The following PTRH2 variants were observed in gnomAD, a reference collection of about 807,000 sequenced individuals.
The protein encoded by PTRH2 is peptidyl-tRNA hydrolase 2, mitochondrial.
PTRH2 carries 10 observed loss-of-function variants against 12.3 expected under a neutral mutation model. The observed-to-expected ratio is 0.81, with a 90% CI of 0.50 to 1.38. PTRH2 has a LOEUF of 1.38. Among genes scored for constraint, PTRH2 ranks in the 40% most tolerant of loss-of-function variants. PTRH2 has a pLI of 0.00. For missense variants in PTRH2, 176 were observed against 214.1 expected, an observed-to-expected ratio of 0.82 and a Z score of 1.11; for synonymous variants, 73 against 77.4, an observed-to-expected ratio of 0.94 and a Z score of 0.30.
intron 1 of PTRH2, chr17:59,698,858 T>C: frequency 4.2e-6 from 3 of 716,178 alleles, no homozygotes; most frequent in Non-Finnish European, 2.6e-6. Context: ...ACAATGGTTG[T>C]ATGGGTACTC....
At position 59,697,709 on chromosome 17, in the gene PTRH2, A is replaced by G; in HGVS notation, c.270T>C (p.Ala90=). ...GKVAAQCSHA[A]VSAYKQIQRR... ...TTTGAATCTGCTTGTAGGCTGAAAC[A>G]GCAGCATGAGAGCACTGGGCAGCCA... Residue 90 remains alanine (A), a synonymous_variant, in exon 2 of 2, where the codon GCT becomes GCC. Coordinates refer to ENST00000393038, the MANE Select transcript of PTRH2 (RefSeq NM_016077.5). 6.2e-7 allele frequency: 1 copy of G among 1,614,216 alleles called. No individual in the cohort carries two copies. Among genetic ancestry groups the G allele is most frequent in the Non-Finnish European group, 8.5e-7 (1 of 1,180,036 alleles).
chr17:59,699,538 TAA>T (rs1182589178), intron 1 of PTRH2: 1 of 152,936 alleles, frequency 6.5e-6, no homozygotes, highest in African/African-American at 2.4e-5. Context: ...TTTAGCATAT[TAA>T]AAAGACTTCT....
intron 1 of PTRH2, among the ~76,000 whole-genome samples, chr17:59,705,543 C>G (rs2033625355): frequency 1.3e-5 from 2 of 152,124 alleles, no homozygotes; most frequent in African/African-American, 2.4e-5. Context: ...CCTCAGCCTT[C>G]CAAGTAGATG....
intron 1 of PTRH2, among the ~76,000 whole-genome samples, chr17:59,704,669 A>G (rs781760833): frequency 6.6e-6 from 1 of 152,200 alleles, no homozygotes; most frequent in Non-Finnish European, 1.5e-5. Context: ...GCTGTAGTGC[A>G]CCTAGTTTCA....
Position 59,704,968 on chromosome 17 carries a change from A to G in PTRH2, c.-1+2403T>C, listed in dbSNP as rs369662314. Among the ~76,000 whole-genome samples the G allele has an allele frequency of 1.1e-4, 16 of 152,108 alleles. No individual in the cohort carries two copies. In the East Asian group the frequency reaches 2.9e-3, roughly 28 times the overall value. On this transcript the variant is annotated intron_variant, in intron 1 of 1. Coordinates refer to ENST00000393038, the MANE Select transcript of PTRH2 (RefSeq NM_016077.5). Reference sequence around the variant, plus strand: ...ACACCTGGCTAATTTTTGTATTTTTAGTAGAGACGGGGTTTCACCATGTTG... The same window carrying G: ...ACACCTGGCTAATTTTTGTATTTTTGGTAGAGACGGGGTTTCACCATGTTG...
intron 1 of PTRH2, chr17:59,707,086 T>C (rs2033693645): frequency 6.6e-6 from 1 of 152,156 alleles, no homozygotes; most frequent in African/African-American, 2.4e-5. Context: ...CTGCTCGCTA[T>C]TTTATCAATT....
Position 59,698,854 on chromosome 17 carries a change from G to A in PTRH2, c.1-876C>T, listed in dbSNP as rs1197839915. On this transcript the variant is annotated intron_variant, in intron 1 of 1. Transcript: ENST00000393038. ...TGAATACTGTAAGTGGAAAACAATG[G>A]TTGTATGGGTACTCACCATTAATTT... 3 of 715,604 alleles carry A rather than the reference G, an allele frequency of 4.2e-6. No individual in the cohort carries two copies. In the South Asian group the frequency reaches 4.5e-5, roughly 11 times the overall value. 44.3% of individuals were successfully genotyped at this position (715,604 alleles called of 1,614,324 possible).
rs1410003255 is a variant in PTRH2, at chr17:59,697,628, C to T, written c.351G>A (p.Val117=). ...GGGTTTCTTCATCAGGAGCTTTGAC[C>T]ACCACCTTGGGCTGGCCACAGTATT... The part of the protein sequence containing the change: ...QWEYCGQPKV[V]VKAPDEETLI... Residue 117 remains valine (V), a synonymous_variant, in exon 2 of 2, where the codon GTG becomes GTA. Transcript: ENST00000393038. 2.5e-6 allele frequency: 4 copies of T among 1,614,058 alleles called. No individual in the cohort carries two copies. The African/African-American group carries it at 4.0e-5, about 16-fold the overall frequency.
intron 1 of PTRH2, among the ~76,000 whole-genome samples, chr17:59,701,921 G>A (rs1444890268): frequency 1.3e-5 from 2 of 150,768 alleles, no homozygotes; most frequent in Non-Finnish European, 2.9e-5. Flanking sequence ...AGCCAGGATG[G>A]TCTCAATCTC....
At chr17:59,699,126 T>G in intron 1 of PTRH2, 1 of 436,966 alleles carries the variant, frequency 2.3e-6, no homozygotes, top group Non-Finnish European at 4.0e-6. Context: ...TATTTCTCTG[T>G]AGCAAGCAAG....
At chr17:59,699,065 C>T in intron 1 of PTRH2, 1 of 568,080 alleles carries the variant, frequency 1.8e-6, no homozygotes, top group Non-Finnish European at 3.1e-6. Flanking sequence ...TGTTGTTCTT[C>T]AGGAAGATAC....
chr17:59,704,227 C>G (rs1474849310), intron 1 of PTRH2, among the ~76,000 whole-genome samples: 2 of 152,162 alleles, frequency 1.3e-5, no homozygotes, highest in Non-Finnish European at 2.9e-5. Flanking sequence ...GTACACCTGT[C>G]TGATTTAGTG....
chr17:59,704,217 G>T (rs1351423944), intron 1 of PTRH2, among the ~76,000 whole-genome samples: 3 of 152,166 alleles, frequency 2.0e-5, no homozygotes, highest in Non-Finnish European at 4.4e-5. Flanking sequence ...AGTGTCTAAG[G>T]TACACCTGTC....
chr17:59,706,880 C>G (rs548759616), intron 1 of PTRH2, among the ~76,000 whole-genome samples: 1 of 152,092 alleles, frequency 6.6e-6, no homozygotes, highest in African/African-American at 2.4e-5. Flanking sequence ...GCCATGTTGG[C>G]CAGGATGGTC....
intron 1 of PTRH2, among the ~76,000 whole-genome samples, chr17:59,706,470 C>CTGAG (rs2143658368): frequency 6.6e-6 from 1 of 152,086 alleles, no homozygotes; most frequent in South Asian, 2.1e-4. Context: ...GGATTACAGG[C>CTGAG]TGAGCCACCG....
intron 1 of PTRH2, chr17:59,698,479 C>T (rs2033491822): frequency 4.5e-6 from 1 of 221,206 alleles, no homozygotes; most frequent in Non-Finnish European, 9.0e-6. Context: ...AGCAAGGATG[C>T]TAAAAACCTT....
At chr17:59,700,624 T>C (rs932864953) in intron 1 of PTRH2, 2 of 152,066 alleles carry the variant, frequency 1.3e-5, no homozygotes, top group African/African-American at 4.8e-5. Context: ...GGTCAAGAGA[T>C]AGAGCAAAAA....
Position 59,697,665 on chromosome 17 carries a change from A to C in PTRH2, c.314T>G (p.Leu105Arg). ...KQIQRRNPEM[L>R]KQWEYCGQPK... ...CTGGCCACAGTATTCCCATTGTTTG[A>C]GCATTTCAGGATTTCTTCTTTGAAT... The change falls in exon 2 of 2, where the codon CTC becomes CGC. Residue 105 changes from leucine (L) to arginine (R), a missense_variant. By Grantham distance (102) the Leu-to-Arg change is moderately radical. Coordinates refer to ENST00000393038, the MANE Select transcript of PTRH2 (RefSeq NM_016077.5). The C allele has an allele frequency of 6.2e-7, 1 of 1,614,192 alleles. No homozygotes were observed. Among genetic ancestry groups the C allele is most frequent in the East Asian group, 2.2e-5 (1 of 44,886 alleles).
At chr17:59,701,691 T>C (rs2033555376) in intron 1 of PTRH2, among the ~76,000 whole-genome samples, 2 of 143,654 alleles carry the variant, frequency 1.4e-5, no homozygotes, top group South Asian at 2.5e-4. Context: ...TTTTAAAACT[T>C]TGGGGTTTTT....
Sources: gnomAD v4.1 joint callset for allele counts (sites outside exome capture counted in the v4.1 genomes callset) on GRCh38, gnomAD v4.1.1 for gene constraint, MANE v1.5 for transcripts, NCBI Gene and HGNC (gene_info 2026-07-23, HGNC 2026-07-21) for gene names.